Variants in RBFOX1 observed in about 807,000 individuals in gnomAD.
RBFOX1 encodes RNA binding protein fox-1 homolog 1.
In RBFOX1, 8 loss-of-function variants were observed where a neutral mutation model predicts 57.7. That is an observed-to-expected ratio of 0.14 (90% confidence interval 0.08 to 0.25). The LOEUF (loss-of-function observed/expected upper bound fraction) is 0.25, where lower values mean the gene tolerates loss of function less well. Ranked by LOEUF, RBFOX1 falls within the 10% of genes least tolerant of loss-of-function variation. The pLI is 1.00. For synonymous variants in RBFOX1, 326 were observed against 222.4 expected (o/e 1.47, Z -4.15); for missense variants, 611 against 548.5 (o/e 1.11, Z -1.14).
chr16:5,536,105 C>CG (rs1391194294), intron 2 of RBFOX1, among the ~76,000 whole-genome samples: 3 of 149,804 alleles, frequency 2.0e-5, no homozygotes, highest in Non-Finnish European at 4.5e-5. Context: ...GCCCCCCCCC[C>CG]CTTTTTTTTC....
At chr16:6,658,409 A>T (rs369631624) in intron 3 of RBFOX1, among the ~76,000 whole-genome samples, 1 of 151,876 alleles carries the variant, frequency 6.6e-6, no homozygotes, top group African/African-American at 2.4e-5. Flanking sequence ...GGGTTTTACC[A>T]TGTTGGCCAG....
At chr16:7,167,758 T>C (rs1038189068) in intron 4 of RBFOX1, among the ~76,000 whole-genome samples, 1 of 152,220 alleles carries the variant, frequency 6.6e-6, no homozygotes, top group Non-Finnish European at 1.5e-5. Flanking sequence ...GCCTTATTCA[T>C]TTACGTATTG....
intron 4 of RBFOX1, among the ~76,000 whole-genome samples, chr16:7,206,059 A>G (rs1466804411): frequency 6.6e-6 from 1 of 152,208 alleles, no homozygotes; most frequent in Non-Finnish European, 1.5e-5. Flanking sequence ...TTTTACTTAG[A>G]CTGACACTAG....
chr16:7,271,732 G>T (rs1164192900), intron 4 of RBFOX1, among the ~76,000 whole-genome samples: 1 of 151,952 alleles, frequency 6.6e-6, no homozygotes, highest in Non-Finnish European at 1.5e-5. Flanking sequence ...CATAAAGTCG[G>T]TCCTGCTTCT....
chr16:6,387,554 A>G (rs1242338347), intron 2 of RBFOX1, among the ~76,000 whole-genome samples: 4 of 152,046 alleles, frequency 2.6e-5, no homozygotes, highest in Non-Finnish European at 4.4e-5. Context: ...GATATTTGGG[A>G]TGATACATCT....
chr16:6,640,105 T>G (rs1241267850), intron 2 of RBFOX1, among the ~76,000 whole-genome samples: 1 of 152,124 alleles, frequency 6.6e-6, no homozygotes, highest in Admixed American at 6.5e-5. Context: ...GAGTCAGGAT[T>G]TTAAACAGGG....
chr16:6,069,876 A>G lies in RBFOX1; in HGVS notation c.-127+49884A>G, dbSNP rs781524181. Among the ~76,000 whole-genome samples the G allele has an allele frequency of 3.9e-4, 60 of 152,020 alleles. 1 individual carries two copies. The highest frequency in any genetic ancestry group is 6.9e-4 in the Non-Finnish European group (47 of 68,004). On this transcript the variant is annotated intron_variant, in intron 1 of 15. Coordinates refer to ENST00000550418, the MANE Select transcript of RBFOX1 (RefSeq NM_018723.4). ...GTGGTGCATGCCTGTAATCCCAGCT[A>G]TTCGGGAGGCTGAGGCAGGAGAATC...
chr16:5,777,855 G>A (rs1124203), intron 3 of RBFOX1, among the ~76,000 whole-genome samples: 7,651 of 152,234 alleles, frequency 0.05, 573 homozygotes, highest in African/African-American at 0.16. Flanking sequence ...GAAATGTAGA[G>A]ATGATGAGAA....
At chr16:5,404,107 A>G (rs1271590431) in intron 1 of RBFOX1, among the ~76,000 whole-genome samples, 1 of 150,700 alleles carries the variant, frequency 6.6e-6, no homozygotes, top group Non-Finnish European at 1.5e-5. Context: ...GAGGGAGATG[A>G]CAAAGGAGAT....
chr16:6,727,287 T>C (rs2067451513), intron 3 of RBFOX1, among the ~76,000 whole-genome samples: 1 of 152,068 alleles, frequency 6.6e-6, no homozygotes, highest in African/African-American at 2.4e-5. Flanking sequence ...ATTAATTGCG[T>C]TTTTTGCCAT....
At chr16:5,647,112 T>C (rs2049080229) in intron 3 of RBFOX1, among the ~76,000 whole-genome samples, 1 of 152,182 alleles carries the variant, frequency 6.6e-6, no homozygotes, top group Non-Finnish European at 1.5e-5. Context: ...TCAGAATGTG[T>C]GTGTGTGTTT....
intron 2 of RBFOX1, among the ~76,000 whole-genome samples, chr16:5,519,127 C>G (rs1354160883): frequency 1.3e-5 from 2 of 152,210 alleles, no homozygotes; most frequent in Non-Finnish European, 2.9e-5. Flanking sequence ...ATCTCAAACT[C>G]CAAGCCTCCA....
intron 4 of RBFOX1, among the ~76,000 whole-genome samples, chr16:7,183,154 G>A (rs1298123027): frequency 2.0e-5 from 3 of 152,144 alleles, no homozygotes; most frequent in Admixed American, 6.5e-5. Context: ...CTTTTTATTA[G>A]TTGAGGCAGA....
intron 3 of RBFOX1, among the ~76,000 whole-genome samples, chr16:6,916,428 A>G (rs1448066270): frequency 6.6e-6 from 1 of 151,844 alleles, no homozygotes; most frequent in Non-Finnish European, 1.5e-5. Context: ...TAGGTGTGGA[A>G]TTGCTGGGTA....
intron 3 of RBFOX1, among the ~76,000 whole-genome samples, chr16:6,690,728 C>T (rs991467410): frequency 8.1e-5 from 12 of 148,166 alleles, no homozygotes; most frequent in Non-Finnish European, 1.6e-4. Context: ...CAGGATATTT[C>T]AAGTTCGGTT....
At chr16:6,849,818 C>T (rs2093970192) in intron 3 of RBFOX1, among the ~76,000 whole-genome samples, 2 of 152,198 alleles carry the variant, frequency 1.3e-5, no homozygotes, top group Admixed American at 6.5e-5. Flanking sequence ...TGAAAATCCT[C>T]TCTCCCTCTT....
chr16:7,671,526 T>C (rs777201623), intron 13 of RBFOX1: 2 of 1,573,536 alleles, frequency 1.3e-6, no homozygotes, highest in Non-Finnish European at 1.7e-6. Context: ...CATTTTTGCA[T>C]TGAAAACATT....
At chr16:6,959,334 T>G (rs538938444) in intron 3 of RBFOX1, among the ~76,000 whole-genome samples, 1 of 152,322 alleles carries the variant, frequency 6.6e-6, no homozygotes, top group South Asian at 2.1e-4. Context: ...CAGAAACTAT[T>G]GTTTTCAATA....
chr16:7,025,083 C>T (rs1276416415), intron 3 of RBFOX1, among the ~76,000 whole-genome samples: 2 of 152,080 alleles, frequency 1.3e-5, no homozygotes, highest in South Asian at 2.1e-4. Flanking sequence ...TAGAGTGAAG[C>T]GAAAGTATGT....
Sources: gnomAD v4.1 joint callset for allele counts (sites outside exome capture counted in the v4.1 genomes callset) on GRCh38, gnomAD v4.1.1 for gene constraint, MANE v1.5 for transcripts, NCBI Gene and HGNC (gene_info 2026-07-23, HGNC 2026-07-21) for gene names.